Variants in MILR1 observed in about 807,000 individuals in gnomAD.
MILR1 encodes the protein mast cell immunoglobulin like receptor 1.
In MILR1, 31 loss-of-function variants were observed where a neutral mutation model predicts 18.5. The ratio of observed to expected loss-of-function variants is 1.68; its 90% CI spans 1.26 to 2.26. The LOEUF (loss-of-function observed/expected upper bound fraction) is 2.26. Ranked by LOEUF, MILR1 falls within the 30% of genes most tolerant of loss-of-function variation. The pLI, the probability that MILR1 is intolerant of heterozygous loss-of-function variation, is 0.00. For synonymous variants in MILR1, 85 were observed against 56.2 expected (o/e 1.51, Z -2.30); for missense variants, 257 against 157.4 (o/e 1.63, Z -3.38).
At chr17:64,486,302 C>T in the MILR1 span, among the ~76,000 whole-genome samples, 1 of 151,974 alleles carries the variant, frequency 6.6e-6, no homozygotes, top group African/African-American at 2.4e-5. Context: ...TTTTCAATAG[C>T]CCTACAGACT....
At chr17:64,493,318 C>T in the MILR1 span, among the ~76,000 whole-genome samples, 2 of 151,962 alleles carry the variant, frequency 1.3e-5, no homozygotes, top group Admixed American at 1.3e-4. Context: ...ACTTGGAAAG[C>T]TGGGAGGTGG....
chr17:64,468,525 A>AAG lies in MILR1; in HGVS notation c.*244_*245insAG. 2.8e-5 allele frequency: 20 copies of AAG among 705,324 alleles called. No homozygotes were observed. Among genetic ancestry groups the AAG allele is most frequent in the South Asian group, 4.0e-5 (2 of 50,062 alleles). 43.7% of individuals were successfully genotyped at this position (705,324 alleles called of 1,614,324 possible). A position where few individuals can be genotyped will look rare whatever the true frequency, so the allele number is the denominator to read the frequency against. ...GCTGGTCTTGAACTCCTGACCTCAG[A>AAG]TGATCTGCCTGCCTCGGCCTCCCAA... On this transcript the variant is annotated 3_prime_UTR_variant, in exon 10 of 10. Transcript: ENST00000619286.
chr17:64,495,320 C>T, the MILR1 span, among the ~76,000 whole-genome samples: 14 of 152,252 alleles, frequency 9.2e-5, no homozygotes, highest in Non-Finnish European at 1.6e-4. Context: ...TGGCTCACAC[C>T]TGTAATCCCA....
chr17:64,472,729 C>T (rs560052018), downstream of MILR1, among the ~76,000 whole-genome samples: 1 of 152,192 alleles, frequency 6.6e-6, no homozygotes, highest in African/African-American at 2.4e-5. Flanking sequence ...TCCCACACAC[C>T]CTAGGCGTGT....
At chr17:64,489,323 C>A in the MILR1 span, among the ~76,000 whole-genome samples, 5 of 144,334 alleles carry the variant, frequency 3.5e-5, no homozygotes, top group East Asian at 2.0e-4. Context: ...TATTGCTGAC[C>A]AGTAAATCTA....
At chr17:64,492,188 T>C in the MILR1 span, among the ~76,000 whole-genome samples, 1 of 152,252 alleles carries the variant, frequency 6.6e-6, no homozygotes, top group African/African-American at 2.4e-5. Flanking sequence ...GATTATTTCA[T>C]ACAGTTTAAA....
At position 64,457,578 on chromosome 17, in the gene MILR1, C is replaced by T. The variant is rs2037329129; in HGVS notation, c.546C>T (p.Asn182=). The T allele has an allele frequency of 4.2e-6, 2 of 475,278 alleles. No individual in the cohort carries two copies. The highest frequency in any genetic ancestry group is 6.7e-5 in the South Asian group (1 of 14,882). The allele number at this position is 475,278 out of a possible 1,614,324, so 29.4% of individuals were successfully genotyped here. ...SKYDREPAEF[N]LTKKNPGEEE... ...ATGACAGGGAGCCTGCTGAATTTAA[C>T]TTAACCAAGAAGAATCCTGGAGAAG... is the stretch of plus-strand genomic sequence containing the variant. The change falls in exon 4 of 10, where the codon AAC becomes AAT. Residue 182 remains asparagine (N), a synonymous_variant. Transcript: ENST00000619286.
At chr17:64,473,614 A>G (rs1009154917), downstream of MILR1, among the ~76,000 whole-genome samples, 1 of 152,184 alleles carries the variant, frequency 6.6e-6, no homozygotes, top group Non-Finnish European at 1.5e-5. Flanking sequence ...ACACCTAAGG[A>G]TTTCATGACT....
At chr17:64,486,304 C>T in the MILR1 span, among the ~76,000 whole-genome samples, 1 of 151,800 alleles carries the variant, frequency 6.6e-6, no homozygotes, top group Non-Finnish European at 1.5e-5. Flanking sequence ...TTCAATAGCC[C>T]TACAGACTAT....
chr17:64,456,259 T>G (rs1200754304), intron 3 of MILR1, among the ~76,000 whole-genome samples: 1 of 151,960 alleles, frequency 6.6e-6, no homozygotes, highest in Non-Finnish European at 1.5e-5. Flanking sequence ...GCCTGGCACA[T>G]GATAGATACT....
rs547841618 is a variant in MILR1 at position 64,467,535 on chromosome 17, A to C, written c.980-30A>C. On this transcript the variant is annotated intron_variant, in intron 8 of 9. Transcript: ENST00000619286. ...AACAGCCTTGCTGGTCACATATCCTAAGTAAATTATTTTCCCTTTTATATT... is the reference window on the plus strand; with the variant it reads ...AACAGCCTTGCTGGTCACATATCCTCAGTAAATTATTTTCCCTTTTATATT... 1.5e-5 allele frequency: 20 copies of C among 1,349,924 alleles called. No homozygotes were observed. In the East Asian group the frequency reaches 4.4e-4, roughly 29 times the overall value. The allele number at this position is 1,349,924 out of a possible 1,614,324, so 83.6% of individuals were successfully genotyped here.
chr17:64,466,456 C>T lies in MILR1; in HGVS notation c.868C>T (p.Pro290Ser). Residue 290 changes from proline (P) to serine (S), a missense_variant, in exon 7 of 10, where the codon CCA becomes TCA. Physicochemically the swap from Pro to Ser is moderately conservative, Grantham distance 74 (BLOSUM62 -1). Transcript: ENST00000619286. ...LEKQAKEESV[P>S]EVGSRPCVST... ...TCATTTTACAGAGGAGGAATCTGTG[C>T]CAGAAGTGGGATCCAGGCCGTGTGT... 1 of 1,613,560 alleles carries T rather than the reference C, an allele frequency of 6.2e-7. No individual in the cohort carries two copies. Among genetic ancestry groups the T allele is most frequent in the Non-Finnish European group, 8.5e-7 (1 of 1,179,706 alleles).
In MILR1 at chr17:64,465,454, A is replaced by G; in HGVS notation, c.766A>G (p.Lys256Glu). ...FWVLPKYKTR[K>E]AMRNNVPRDR... ...ATGATTCCTACCTATTTACGTAGGA[A>G]AAGCTATGAGAAATAATGTGCCCAG... The change falls in exon 6 of 10, where the codon AAA becomes GAA. Residue 256 changes from lysine (K) to glutamate (E), a missense_variant and splice_region_variant. Physicochemically the swap from Lys to Glu is moderately conservative, Grantham distance 56. Transcript: ENST00000619286. 1 of 1,601,270 alleles carries G rather than the reference A, an allele frequency of 6.2e-7. No homozygotes were observed. The highest frequency in any genetic ancestry group is 8.5e-7 in the Non-Finnish European group (1 of 1,171,508).
chr17:64,474,328 G>A, the MILR1 span, among the ~76,000 whole-genome samples: 3 of 151,924 alleles, frequency 2.0e-5, no homozygotes, highest in East Asian at 1.9e-4. Context: ...ACCCACCTCA[G>A]TCTCCCAAAG....
the MILR1 span, among the ~76,000 whole-genome samples, chr17:64,482,555 T>C: frequency 6.6e-6 from 1 of 152,210 alleles, no homozygotes; most frequent in Non-Finnish European, 1.5e-5. Context: ...CTTGACCTCG[T>C]GATCCACCCG....
At chr17:64,464,810 G>A (rs1368157899) in intron 5 of MILR1, among the ~76,000 whole-genome samples, 1 of 152,258 alleles carries the variant, frequency 6.6e-6, no homozygotes, top group Non-Finnish European at 1.5e-5. Flanking sequence ...TGTAATCCCA[G>A]CTATTCAGGA....
the MILR1 span, chr17:64,496,514 G>C: frequency 1.2e-6 from 2 of 1,613,446 alleles, no homozygotes; most frequent in Non-Finnish European, 1.7e-6. Context: ...TTCGCGTAGA[G>C]TTTCTGCAGA....
downstream of MILR1, chr17:64,468,783 C>A (rs2037639376): frequency 2.1e-5 from 5 of 243,750 alleles, no homozygotes; most frequent in African/African-American, 4.7e-5. Flanking sequence ...CTAGTAGACA[C>A]AATAAAAAAA....
the MILR1 span, chr17:64,490,704 G>T: frequency 1.1e-6 from 1 of 946,414 alleles, no homozygotes; most frequent in South Asian, 1.3e-5. Context: ...GAAGTGTTAA[G>T]ACACCACGTT....
Sources: gnomAD v4.1 joint callset for allele counts (sites outside exome capture counted in the v4.1 genomes callset) on GRCh38, gnomAD v4.1.1 for gene constraint, MANE v1.5 for transcripts, NCBI Gene and HGNC (gene_info 2026-07-23, HGNC 2026-07-21) for gene names.